Variants in MARS1 observed in about 807,000 individuals in gnomAD.
MARS1 encodes the protein methionyl-tRNA synthetase 1.
In MARS1, 80 loss-of-function variants were observed where a neutral mutation model predicts 119.5. That is an observed-to-expected ratio of 0.67 (90% confidence interval 0.56 to 0.81). MARS1 has a LOEUF of 0.81. Among genes scored for constraint, MARS1 ranks in the 30% least tolerant of loss-of-function variants. MARS1 has a pLI of 0.00. For missense variants in MARS1, 945 were observed against 1,116.5 expected (o/e 0.85, Z 2.19); for synonymous variants, 418 against 433.4 (o/e 0.96, Z 0.44).
In MARS1 at chr12:57,514,950, C is replaced by T. The variant is rs1253766413; in HGVS notation, c.2100-4C>T. On this transcript the variant is annotated splice_region_variant and splice_polypyrimidine_tract_variant and intron_variant, in intron 16 of 20. Coordinates refer to ENST00000262027, the MANE Select transcript of MARS1 (RefSeq NM_004990.4). ...ACACCTTGGCCTGCTTCCTCCCTTC[C>T]CAGGATCCGGGATGCCTTGCGCAGT... 5.6e-6 allele frequency: 9 copies of T among 1,614,052 alleles called. No homozygotes were observed. Among genetic ancestry groups the T allele is most frequent in the Non-Finnish European group, 6.8e-6 (8 of 1,180,012 alleles).
At chr12:57,496,057 CG>C (rs1255819136) in intron 7 of MARS1, among the ~76,000 whole-genome samples, 2 of 152,106 alleles carry the variant, frequency 1.3e-5, no homozygotes, top group African/African-American at 4.8e-5. Flanking sequence ...TTAGTAGAGA[CG>C]GGGTTTCACT....
chr12:57,508,137 T>G (rs1877315009), intron 11 of MARS1, among the ~76,000 whole-genome samples: 1 of 150,072 alleles, frequency 6.7e-6, no homozygotes, highest in Non-Finnish European at 1.5e-5. Context: ...ACTTCCTAGA[T>G]GGGATGGCGG....
At chr12:57,496,807 C>T (rs551244181) in intron 7 of MARS1, among the ~76,000 whole-genome samples, 12 of 151,404 alleles carry the variant, frequency 7.9e-5, no homozygotes, top group African/African-American at 2.4e-5. Flanking sequence ...GATAACCTTT[C>T]TCAGGCATGT....
intron 11 of MARS1, among the ~76,000 whole-genome samples, chr12:57,506,258 CAAAAAGAA>C (rs1877175735): frequency 1.3e-5 from 2 of 151,692 alleles, no homozygotes; most frequent in Non-Finnish European, 2.9e-5. Flanking sequence ...GACTCTGTAT[CAAAAAGAA>C]AAAAAGAAAA....
chr12:57,509,152 T>G (rs1877389595), intron 11 of MARS1, among the ~76,000 whole-genome samples: 1 of 152,200 alleles, frequency 6.6e-6, no homozygotes, highest in African/African-American at 2.4e-5. Flanking sequence ...ATTTCATCAG[T>G]AGGAACGTAT....
rs774099657 is a variant in MARS1, at chr12:57,490,515, G to A, written c.664-23G>A. 1.9e-6 allele frequency: 3 copies of A among 1,612,882 alleles called. No individual in the cohort carries two copies. The Admixed American group carries it at 5.0e-5, about 27-fold the overall frequency. On this transcript the variant is annotated intron_variant, in intron 6 of 20. Coordinates refer to ENST00000262027, the MANE Select transcript of MARS1 (RefSeq NM_004990.4). ...CCTGTGGGCCCTCCTCACCTGGTAA[G>A]GGATTCTCTCCACTCTTTATAGGAG...
intron 15 of MARS1, among the ~76,000 whole-genome samples, chr12:57,514,318 C>T (rs537330856): frequency 1.3e-5 from 2 of 151,816 alleles, no homozygotes; most frequent in East Asian, 2.0e-4. Context: ...CCACCACGCC[C>T]GGCTAATTTT....
intron 9 of MARS1, among the ~76,000 whole-genome samples, chr12:57,499,938 C>T (rs1214595238): frequency 6.6e-6 from 1 of 152,192 alleles, no homozygotes; most frequent in African/African-American, 2.4e-5. Context: ...ACATAGTAGA[C>T]AGGCCGCCAA....
At chr12:57,515,402 G>A in intron 18 of MARS1, 66 bp downstream of exon 18, 1 of 1,491,842 alleles carries the variant, frequency 6.7e-7, no homozygotes, top group South Asian at 1.2e-5. Flanking sequence ...GAGTGGGTGA[G>A]AGAAGACCTA....
intron 11 of MARS1, among the ~76,000 whole-genome samples, chr12:57,507,783 C>T (rs548233952): frequency 2.8e-5 from 4 of 144,648 alleles, no homozygotes; most frequent in Middle Eastern, 3.6e-3. Context: ...CCGGACGGGG[C>T]GGCTGGCCGG....
At chr12:57,493,375 T>C (rs1363404966) in intron 7 of MARS1, among the ~76,000 whole-genome samples, 1 of 66,756 alleles carries the variant, frequency 1.5e-5, no homozygotes, top group African/African-American at 7.1e-5. Flanking sequence ...GTATAATATA[T>C]ATTATATAAT....
chr12:57,516,528 G>C lies in MARS1; in HGVS notation c.2650G>C (p.Ala884Pro), dbSNP rs778165066. Residue 884 changes from alanine (A) to proline (P), a missense_variant, in exon 21 of 21, where the codon GCT (alanine) becomes CCT (proline). Physicochemically the swap from Ala to Pro is conservative, Grantham distance 27. Coordinates refer to ENST00000262027, the MANE Select transcript of MARS1 (RefSeq NM_004990.4). ...ACTCTTGGATCTAAAGAAACAGTTG[G>C]CTGTAGCTGAGGGGAAACCCCCTGA... The part of the protein sequence containing the change: ...AKLLDLKKQL[A>P]VAEGKPPEAP... 1 of 1,611,990 alleles carries C rather than the reference G, an allele frequency of 6.2e-7. No homozygotes were observed. Among genetic ancestry groups the C allele is most frequent in the East Asian group, 2.2e-5 (1 of 44,884 alleles).
At chr12:57,508,825 G>A (rs1039042170) in intron 11 of MARS1, among the ~76,000 whole-genome samples, 3 of 152,194 alleles carry the variant, frequency 2.0e-5, no homozygotes, top group Non-Finnish European at 4.4e-5. Context: ...GCCTCCCAAA[G>A]TGCTGGGATT....
intron 15 of MARS1, among the ~76,000 whole-genome samples, chr12:57,514,104 T>TG (rs1428599145): frequency 6.9e-6 from 1 of 144,584 alleles, no homozygotes; most frequent in Non-Finnish European, 1.5e-5. Flanking sequence ...TTGCCTAGAG[T>TG]GTTTGTTTGA....
chr12:57,491,758 T>C (rs1306879517), intron 7 of MARS1, among the ~76,000 whole-genome samples: 1 of 152,168 alleles, frequency 6.6e-6, no homozygotes, highest in Non-Finnish European at 1.5e-5. Context: ...TAAGATAATA[T>C]TTATACATAC....
In MARS1 at chr12:57,516,620, G is replaced by A. The variant is rs374596596; in HGVS notation, c.*39G>A. The A allele has an allele frequency of 1.2e-4, 179 of 1,542,818 alleles. No homozygotes were observed. The African/African-American group carries it at 1.8e-3, about 16-fold the overall frequency. The stretch of plus-strand genomic sequence containing the variant: ...ATAGAAAGTCACTTTAATAGATAGG[G>A]ACAGTAATAAATAAATGTACAATCT... On this transcript the variant is annotated 3_prime_UTR_variant, in exon 21 of 21. Coordinates refer to ENST00000262027, the MANE Select transcript of MARS1 (RefSeq NM_004990.4).
Position 57,489,913 on chromosome 12 carries a change from C to T in MARS1, c.432C>T (p.Ala144=), listed in dbSNP as rs1046252025. 14 of 1,613,938 alleles carry T rather than the reference C, an allele frequency of 8.7e-6. No homozygotes were observed. Among genetic ancestry groups the T allele is most frequent in the Admixed American group, 3.3e-5 (2 of 59,984 alleles). ...CAACAAAGGAGACAGAATCTCTAGC[C>T]GACATTGTTTTGTGGGGAGCCCTAT... ...PFLAGETESL[A]DIVLWGALYP... is the part of the protein sequence containing the mutation. The change falls in exon 5 of 21, where the codon GCC becomes GCT. Residue 144 remains alanine (A), a synonymous_variant. Coordinates refer to ENST00000262027, the MANE Select transcript of MARS1 (RefSeq NM_004990.4).
At chr12:57,508,161 C>T (rs1261540682) in intron 11 of MARS1, among the ~76,000 whole-genome samples, 2 of 152,294 alleles carry the variant, frequency 1.3e-5, no homozygotes, top group Admixed American at 1.3e-4. Flanking sequence ...GGCAGAGACA[C>T]TCCTCACTTT....
intron 7 of MARS1, among the ~76,000 whole-genome samples, chr12:57,496,290 A>G (rs1048326374): frequency 6.6e-6 from 1 of 150,612 alleles, no homozygotes; most frequent in Non-Finnish European, 1.5e-5. Flanking sequence ...CAGCCCCCCG[A>G]GTAGCTGGGA....
Sources: allele counts gnomAD v4.1 joint callset (sites outside exome capture counted in the v4.1 genomes callset), GRCh38; gene constraint gnomAD v4.1.1; transcripts MANE v1.5; gene names NCBI Gene and HGNC (gene_info 2026-07-23, HGNC 2026-07-21).